The following METTL16 variants were observed in gnomAD, a reference collection of about 807,000 sequenced individuals.
METTL16 encodes the protein RNA N(6)-adenosine-methyltransferase METTL16.
METTL16 carries 19 observed loss-of-function variants against 57.9 expected under a neutral mutation model. That is an observed-to-expected ratio of 0.33 (90% CI 0.23 to 0.48). METTL16 has a LOEUF of 0.48. Ranked by LOEUF, METTL16 falls within the 20% of genes least tolerant of loss-of-function variation. METTL16 has a pLI of 0.99. For missense variants in METTL16, 434 were observed against 691.5 expected, an observed-to-expected ratio of 0.63 and a Z score of 4.18; for synonymous variants, 246 against 255.6, an observed-to-expected ratio of 0.96 and a Z score of 0.36.
chr17:2,420,190 T>C lies in METTL16; in HGVS notation c.1469A>G (p.Gln490Arg). The change falls in exon 10 of 10, where the codon CAA becomes CGA. Residue 490 changes from glutamine (Q) to arginine (R), a missense_variant. By Grantham distance (43) the Gln-to-Arg change is conservative. This residue lies in a region of METTL16 where 168 missense variants were observed against 149.6 expected (regional missense o/e 1.12). Transcript: ENST00000263092. This position sits in a 1 kb window ranked among gnomAD's most constrained non-coding sequence, Gnocchi z 5.4. ...CQGSSNGAQDQEASEQFGSPV... is the reference protein window; with the variant it reads ...CQGSSNGAQDREASEQFGSPV... ...GCTGCCGAACTGCTCAGAAGCCTCT[T>C]GGTCCTGGGCTCCGTTGCTAGAGCC... 1 of 1,614,244 alleles carries C rather than the reference T, an allele frequency of 6.2e-7. No individual in the cohort carries two copies. The highest frequency in any genetic ancestry group is 8.5e-7 in the Non-Finnish European group (1 of 1,180,028).
intron 7 of METTL16, among the ~76,000 whole-genome samples, chr17:2,440,402 C>G (rs1277499792): frequency 1.8e-4 from 27 of 152,036 alleles, no homozygotes; most frequent in Admixed American, 1.8e-3. Context: ...GCGCGTGCCA[C>G]CATGCCCGGC....
chr17:2,506,710 C>T (rs970208330), intron 1 of METTL16, among the ~76,000 whole-genome samples: 1 of 152,124 alleles, frequency 6.6e-6, no homozygotes, highest in African/African-American at 2.4e-5. Context: ...GCCGCCACCC[C>T]GTCTGGGAAG....
At chr17:2,489,732 CAAAAAAAA>C (rs61506042) in intron 2 of METTL16, among the ~76,000 whole-genome samples, 1 of 60,330 alleles carries the variant, frequency 1.7e-5, no homozygotes, top group African/African-American at 8.6e-5. Flanking sequence ...GAGCGAGACT[CAAAAAAAA>C]AAAAAAAAAC....
chr17:2,489,739 A>AAAAAAAAAAAAAAAAAAAAAC, intron 2 of METTL16, among the ~76,000 whole-genome samples: 1 of 149,924 alleles, frequency 6.7e-6, no homozygotes, highest in Non-Finnish European at 1.5e-5. Context: ...ACTCAAAAAA[A>AAAAAAAAAAAAAAAAAAAAAC]AAAAAAAAAA....
At chr17:2,464,759 A>T (rs2067178089) in intron 5 of METTL16, among the ~76,000 whole-genome samples, 1 of 152,196 alleles carries the variant, frequency 6.6e-6, no homozygotes, top group Admixed American at 6.5e-5. Flanking sequence ...CCATATGAAA[A>T]GTTAACTCAA....
At chr17:2,442,385 C>T (rs551323272) in intron 6 of METTL16, among the ~76,000 whole-genome samples, 39 of 152,192 alleles carry the variant, frequency 2.6e-4, no homozygotes, top group African/African-American at 9.2e-4. Context: ...CACAGTCCAA[C>T]GTCTTGCTGA....
Position 2,419,456 on chromosome 17 carries a change from C to T in METTL16, c.*514G>A. 3.0e-6 allele frequency: 1 copy of T among 332,868 alleles called. No individual in the cohort carries two copies. Among genetic ancestry groups the T allele is most frequent in the Middle Eastern group, 1.1e-3 (1 of 894 alleles). The allele number at this position is 332,868 out of a possible 1,614,324, so 20.6% of individuals were successfully genotyped here. Reference sequence around the variant, plus strand: ...TTACTAAGGTTTCTCTCCCAGATTCCCCACCACCCACCATACAGCTCCCTT... The same window carrying T: ...TTACTAAGGTTTCTCTCCCAGATTCTCCACCACCCACCATACAGCTCCCTT... On this transcript the variant is annotated 3_prime_UTR_variant, in exon 10 of 10. Coordinates refer to ENST00000263092, the MANE Select transcript of METTL16 (RefSeq NM_024086.4).
At chr17:2,441,406 T>C (rs1338238195) in intron 7 of METTL16, 84 bp downstream of exon 7, 2 of 933,434 alleles carry the variant, frequency 2.1e-6, no homozygotes, top group East Asian at 3.0e-5. Context: ...CACAATGCAA[T>C]ATATCAATGT....
chr17:2,504,018 A>C (rs2067511723), intron 1 of METTL16, among the ~76,000 whole-genome samples: 1 of 152,214 alleles, frequency 6.6e-6, no homozygotes, highest in African/African-American at 2.4e-5. Flanking sequence ...ATATACATAC[A>C]ATAAATATTA....
chr17:2,446,752 G>A (rs180964466), intron 6 of METTL16, among the ~76,000 whole-genome samples: 1 of 149,230 alleles, frequency 6.7e-6, no homozygotes, highest in Admixed American at 6.7e-5. Flanking sequence ...ACTGGTTCTC[G>A]TTTTTTTTTT....
chr17:2,432,517 C>T (rs1377817976), intron 8 of METTL16, among the ~76,000 whole-genome samples: 4 of 151,996 alleles, frequency 2.6e-5, no homozygotes, highest in South Asian at 4.1e-4. Flanking sequence ...TGCAGTGAGC[C>T]GTGAGCGCGC....
At chr17:2,428,675 T>C (rs1395875773) in intron 8 of METTL16, among the ~76,000 whole-genome samples, 1 of 136,200 alleles carries the variant, frequency 7.3e-6, no homozygotes, top group East Asian at 2.2e-4. Context: ...AGCAGGAGGA[T>C]CACTTGAGCC....
In METTL16 at chr17:2,467,782, A is replaced by G; in HGVS notation, c.564T>C (p.Phe188=). ...YDFCMCNPPF[F]ANQLEAKGVN... ...TTACCTTGGCTTCCAATTGATTGGCAAAAAAGGGAGGGTTGCACATGCAAA... is the reference window on the plus strand; with the variant it reads ...TTACCTTGGCTTCCAATTGATTGGCGAAAAAGGGAGGGTTGCACATGCAAA... Residue 188 remains phenylalanine, a synonymous_variant, in exon 5 of 10, where the codon TTT becomes TTC. Coordinates refer to ENST00000263092, the MANE Select transcript of METTL16 (RefSeq NM_024086.4). 1.2e-6 allele frequency: 2 copies of G among 1,613,142 alleles called. No individual in the cohort carries two copies. Among genetic ancestry groups the G allele is most frequent in the Non-Finnish European group, 1.7e-6 (2 of 1,179,166 alleles).
intron 2 of METTL16, among the ~76,000 whole-genome samples, chr17:2,498,255 T>C (rs1276358766): frequency 7.1e-6 from 1 of 140,698 alleles, no homozygotes; most frequent in African/African-American, 2.7e-5. Flanking sequence ...CTACTAAAAA[T>C]ACAAAAATTA....
chr17:2,495,368 AGAG>A (rs1015832903), intron 2 of METTL16, among the ~76,000 whole-genome samples: 6 of 152,018 alleles, frequency 3.9e-5, no homozygotes, highest in Non-Finnish European at 7.4e-5. Flanking sequence ...GGGATTGATG[AGAG>A]GAGGTCATTA....
chr17:2,434,994 C>T (rs567186819), intron 8 of METTL16, among the ~76,000 whole-genome samples: 92 of 152,288 alleles, frequency 6.0e-4, no homozygotes, highest in African/African-American at 2.1e-3. Context: ...ATGCTTTCGG[C>T]AATTAGCGGA....
chr17:2,485,429 C>G (rs1338725242), intron 2 of METTL16, among the ~76,000 whole-genome samples: 1 of 152,134 alleles, frequency 6.6e-6, no homozygotes, highest in Non-Finnish European at 1.5e-5. Flanking sequence ...ACCCCTCCCC[C>G]ACCACAGGTC....
At chr17:2,429,790 G>C (rs1248452643) in intron 8 of METTL16, among the ~76,000 whole-genome samples, 1 of 151,510 alleles carries the variant, frequency 6.6e-6, no homozygotes, top group Non-Finnish European at 1.5e-5. Context: ...AATCAACCCT[G>C]TATCTGATCA....
chr17:2,467,988 G>T, intron 4 of METTL16, 112 bp from the exon 5 acceptor site: 1 of 719,028 alleles, frequency 1.4e-6, no homozygotes, highest in South Asian at 1.7e-5. Context: ...TGGTGGTCCC[G>T]TAAGATTATA....
Sources: allele counts gnomAD v4.1 joint callset (sites outside exome capture counted in the v4.1 genomes callset), GRCh38; gene constraint gnomAD v4.1.1; regional missense constraint gnomAD v4.1.1; non-coding constraint Gnocchi (gnomAD v3.1); transcripts MANE v1.5; gene names NCBI Gene and HGNC (gene_info 2026-07-23, HGNC 2026-07-21).